The following PUM2 variants were observed in gnomAD, a reference collection of about 807,000 sequenced individuals.
The protein encoded by PUM2 is pumilio homolog 2.
A neutral mutation model predicts 124.5 loss-of-function variants in PUM2; 57 were observed. That is an observed-to-expected ratio of 0.46 (90% CI 0.37 to 0.57). The LOEUF (loss-of-function observed/expected upper bound fraction) is 0.57, where lower values mean the gene tolerates loss of function less well. Ranked by LOEUF, PUM2 falls within the 20% of genes least tolerant of loss-of-function variation. PUM2 has a pLI of 0.00. For synonymous variants in PUM2, 460 were observed against 446.1 expected (o/e 1.03, Z -0.39); for missense variants, 1,065 against 1,290.6 (o/e 0.83, Z 2.68).
At position 20,350,598 on chromosome 2, in the gene PUM2, G is replaced by A; in HGVS notation, c.-20C>T. On this transcript the variant is annotated splice_region_variant and 5_prime_UTR_variant, in exon 1 of 21. Coordinates refer to ENST00000361078, the MANE Select transcript of PUM2 (RefSeq NM_015317.5). ...AAGAGCGAACGCGGACTGACTTACA[G>A]GGCTGCTGCGGCCGCGCTGCCTCAG... The A allele has an allele frequency of 2.0e-6, 2 of 985,484 alleles. No homozygotes were observed. Among genetic ancestry groups the A allele is most frequent in the Non-Finnish European group, 2.4e-6 (2 of 829,994 alleles). The allele number at this position is 985,484 out of a possible 1,614,324, so 61.0% of individuals were successfully genotyped here.
chr2:20,329,701 G>A (rs1254318026), intron 1 of PUM2, among the ~76,000 whole-genome samples: 2 of 152,146 alleles, frequency 1.3e-5, no homozygotes, highest in Non-Finnish European at 2.9e-5. Flanking sequence ...TAGGGTTACA[G>A]CGGGCCATTT....
At chr2:20,350,328 C>G (rs75856866) in intron 1 of PUM2, 14,830 of 404,188 alleles carry the variant, frequency 0.037, 303 homozygotes, top group Middle Eastern at 0.061. Context: ...CGGCGCCCCA[C>G]GCCCCCGAGG....
At chr2:20,311,401 T>C in intron 5 of PUM2, 93 bp downstream of exon 5, 1 of 1,345,308 alleles carries the variant, frequency 7.4e-7, no homozygotes, top group Non-Finnish European at 9.9e-7. Flanking sequence ...GAAATAAACC[T>C]AAATGATGAA....
At chr2:20,301,331 G>C (rs10207798) in intron 7 of PUM2, among the ~76,000 whole-genome samples, 5,230 of 152,118 alleles carry the variant, frequency 0.034, 91 homozygotes, top group Middle Eastern at 0.068. Flanking sequence ...TAGGGTTCCT[G>C]TTCTACTTAT....
In PUM2 at chr2:20,336,531, T is replaced by TA. The variant is rs1380046772; in HGVS notation, c.-18-9154dup. 2.0e-4 allele frequency among the ~76,000 whole-genome samples: 30 copies of TA among 151,202 alleles called. No homozygotes were observed. In the South Asian group the frequency reaches 6.3e-3, roughly 32 times the overall value. The stretch of plus-strand genomic sequence containing the variant: ...TTAAAGATATAATTTTTTTTTTTTT[T>TA]AAAGAGACAGGGTCTTGCTCTGTTG... On this transcript the variant is annotated intron_variant, in intron 1 of 20. Coordinates refer to ENST00000361078, the MANE Select transcript of PUM2 (RefSeq NM_015317.5).
chr2:20,276,033 T>C (rs1369471914), intron 13 of PUM2, among the ~76,000 whole-genome samples: 1 of 151,990 alleles, frequency 6.6e-6, no homozygotes, highest in African/African-American at 2.4e-5. Context: ...CCTCAGATAT[T>C]ATACTATAAA....
At chr2:20,261,017 AG>A (rs1666068614) in intron 14 of PUM2, among the ~76,000 whole-genome samples, 1 of 152,192 alleles carries the variant, frequency 6.6e-6, no homozygotes, top group Non-Finnish European at 1.5e-5. Context: ...CCTATTGGGT[AG>A]GAACTGTCAT....
chr2:20,332,745 CG>C (rs1282407962), intron 1 of PUM2, among the ~76,000 whole-genome samples: 1 of 151,986 alleles, frequency 6.6e-6, no homozygotes, highest in Non-Finnish European at 1.5e-5. Context: ...TGACTTTATC[CG>C]AATGATTAAA....
At chr2:20,273,069 C>T (rs1421414151) in intron 13 of PUM2, among the ~76,000 whole-genome samples, 1 of 152,122 alleles carries the variant, frequency 6.6e-6, no homozygotes, top group Non-Finnish European at 1.5e-5. Flanking sequence ...CCTTAGGGTA[C>T]CTTATAAGCA....
At chr2:20,253,530 A>G (rs1453505063) in intron 20 of PUM2, among the ~76,000 whole-genome samples, 1 of 148,360 alleles carries the variant, frequency 6.7e-6, no homozygotes, top group Non-Finnish European at 1.5e-5. Flanking sequence ...TTTTTTGTAG[A>G]GGGAGGGTCT....
At chr2:20,255,593 G>A (rs1314262938) in intron 17 of PUM2, among the ~76,000 whole-genome samples, 1 of 152,082 alleles carries the variant, frequency 6.6e-6, no homozygotes, top group Non-Finnish European at 1.5e-5. Context: ...ACCTGAACCT[G>A]AGGTTATGTA....
At chr2:20,302,532 TC>T (rs1677243853) in intron 7 of PUM2, among the ~76,000 whole-genome samples, 1 of 152,166 alleles carries the variant, frequency 6.6e-6, no homozygotes, top group South Asian at 2.1e-4. Context: ...AAATAATCAT[TC>T]TTTTGGCATT....
At chr2:20,271,279 C>T (rs1261345753) in intron 13 of PUM2, among the ~76,000 whole-genome samples, 1 of 152,042 alleles carries the variant, frequency 6.6e-6, no homozygotes, top group African/African-American at 2.4e-5. Context: ...TATTTATATA[C>T]TATTTACAGT....
intron 2 of PUM2, among the ~76,000 whole-genome samples, chr2:20,325,277 C>G (rs1318351171): frequency 1.3e-5 from 2 of 152,126 alleles, no homozygotes; most frequent in African/African-American, 2.4e-5. Flanking sequence ...TATATTTTTA[C>G]TGGATGAAGG....
chr2:20,286,048 G>T (rs1672644122), intron 10 of PUM2, among the ~76,000 whole-genome samples: 1 of 152,168 alleles, frequency 6.6e-6, no homozygotes, highest in Non-Finnish European at 1.5e-5. Context: ...AGTAAGACAG[G>T]CAACAAGGGG....
At chr2:20,341,348 G>A (rs1368062212) in intron 1 of PUM2, among the ~76,000 whole-genome samples, 1 of 151,898 alleles carries the variant, frequency 6.6e-6, no homozygotes, top group East Asian at 1.9e-4. Flanking sequence ...CTCAACAACA[G>A]AAAAAAGTTA....
chr2:20,285,707 G>A (rs1672565904), intron 10 of PUM2, among the ~76,000 whole-genome samples: 1 of 152,010 alleles, frequency 6.6e-6, no homozygotes, highest in Admixed American at 6.6e-5. Flanking sequence ...GGATAAAGCA[G>A]GGAAAAATAA....
intron 7 of PUM2, among the ~76,000 whole-genome samples, chr2:20,299,229 C>T (rs956792001): frequency 3.3e-5 from 5 of 152,030 alleles, no homozygotes; most frequent in African/African-American, 7.2e-5. Flanking sequence ...TTCTGGGATC[C>T]GACATTGTCT....
At chr2:20,263,556 T>C (rs1212645704) in intron 13 of PUM2, 96 bp from the exon 14 acceptor site, 9 of 1,377,368 alleles carry the variant, frequency 6.5e-6, no homozygotes, top group South Asian at 1.4e-5. Flanking sequence ...TAAAGAAATA[T>C]TTCCCCCCAC....
Sources: allele counts gnomAD v4.1 joint callset (sites outside exome capture counted in the v4.1 genomes callset), GRCh38; gene constraint gnomAD v4.1.1; transcripts MANE v1.5; gene names NCBI Gene and HGNC (gene_info 2026-07-23, HGNC 2026-07-21).